The following KCNN2 variants were observed in gnomAD, a reference collection of about 807,000 sequenced individuals.
KCNN2 encodes the protein small conductance calcium-activated potassium channel protein 2.
KCNN2 carries 24 observed loss-of-function variants against 55.5 expected under a neutral mutation model. The ratio of observed to expected loss-of-function variants is 0.43; its 90% CI spans 0.31 to 0.61. KCNN2 has a LOEUF of 0.61. Ranked by LOEUF, KCNN2 falls within the 20% of genes least tolerant of loss-of-function variation. KCNN2 has a pLI of 0.08. For missense variants in KCNN2, 754 were observed against 853.6 expected, an observed-to-expected ratio of 0.88 and a Z score of 1.45; for synonymous variants, 431 against 336.1, an observed-to-expected ratio of 1.28 and a Z score of -3.09.
At chr5:114,361,371 G>T (rs1757417231), upstream of KCNN2, among the ~76,000 whole-genome samples, 1 of 152,202 alleles carries the variant, frequency 6.6e-6, no homozygotes, top group Non-Finnish European at 1.5e-5. Flanking sequence ...GGCTGGGAAA[G>T]ATCCGGTCTC....
chr5:114,392,388 A>G (rs1758473365), intron 2 of KCNN2, among the ~76,000 whole-genome samples: 1 of 152,138 alleles, frequency 6.6e-6, no homozygotes, highest in Non-Finnish European at 1.5e-5. Context: ...CTTTTCTCCT[A>G]GAGAGGAGTT....
intron 1 of KCNN2, among the ~76,000 whole-genome samples, chr5:114,074,364 T>G (rs1750643736): frequency 6.6e-6 from 1 of 151,188 alleles, no homozygotes; most frequent in South Asian, 2.1e-4. Context: ...GGGAAGATCT[T>G]TAAGGTAGCT....
chr5:114,129,778 A>C (rs992642581), intron 1 of KCNN2, among the ~76,000 whole-genome samples: 1 of 152,224 alleles, frequency 6.6e-6, no homozygotes, highest in Non-Finnish European at 1.5e-5. Flanking sequence ...GGAGACCTGC[A>C]TCATAGACTG....
At chr5:114,402,399 C>T (rs935421377) in intron 2 of KCNN2, among the ~76,000 whole-genome samples, 52 of 152,010 alleles carry the variant, frequency 3.4e-4, no homozygotes, top group Non-Finnish European at 4.0e-4. Flanking sequence ...TGGAGCCAGC[C>T]CTGGTTCTCT....
chr5:114,446,823 A>G (rs1760428331), intron 3 of KCNN2, among the ~76,000 whole-genome samples: 1 of 152,168 alleles, frequency 6.6e-6, no homozygotes, highest in African/African-American at 2.4e-5. Context: ...AATTGCTTGA[A>G]TCAGGGAGGT....
intron 1 of KCNN2, among the ~76,000 whole-genome samples, chr5:114,110,864 G>C (rs772075234): frequency 1.3e-5 from 2 of 152,034 alleles, no homozygotes; most frequent in African/African-American, 2.4e-5. Context: ...TGGTTGAGAA[G>C]CTACTGTTGC....
At chr5:114,450,570 T>C (rs750253424) in intron 3 of KCNN2, among the ~76,000 whole-genome samples, 7 of 152,236 alleles carry the variant, frequency 4.6e-5, no homozygotes, top group Admixed American at 1.3e-4. Context: ...AATATAATTC[T>C]CTTCAGGCGT....
intron 1 of KCNN2, among the ~76,000 whole-genome samples, chr5:114,098,078 A>G (rs545383410): frequency 1.3e-4 from 20 of 152,174 alleles, no homozygotes; most frequent in African/African-American, 4.6e-4. Flanking sequence ...TCTAGTTTCT[A>G]GAGGCTGTGC....
intron 1 of KCNN2, among the ~76,000 whole-genome samples, chr5:114,099,070 G>A (rs929850715): frequency 2.0e-5 from 3 of 152,080 alleles, no homozygotes; most frequent in African/African-American, 4.8e-5. Flanking sequence ...TTTCTCCAAA[G>A]GATTGACTTT....
At chr5:114,290,213 C>T (rs1755854907) in intron 2 of KCNN2, among the ~76,000 whole-genome samples, 1 of 152,078 alleles carries the variant, frequency 6.6e-6, no homozygotes, top group South Asian at 2.1e-4. Context: ...TGGTGGAATT[C>T]ACGTGAAATC....
upstream of KCNN2, among the ~76,000 whole-genome samples, chr5:114,360,185 C>G (rs993641606): frequency 6.6e-6 from 1 of 152,100 alleles, no homozygotes; most frequent in African/African-American, 2.4e-5. Flanking sequence ...GCTGTGCACC[C>G]CCCACCCCTT....
intron 2 of KCNN2, among the ~76,000 whole-genome samples, chr5:114,339,865 G>T (rs1756986006): frequency 6.6e-6 from 1 of 151,822 alleles, no homozygotes; most frequent in Non-Finnish European, 1.5e-5. Context: ...ATGATATATG[G>T]CAATATTGGG....
chr5:114,270,065 C>T (rs1422591935), intron 2 of KCNN2, among the ~76,000 whole-genome samples: 1 of 152,200 alleles, frequency 6.6e-6, no homozygotes, highest in East Asian at 1.9e-4. Context: ...AGAGTTTCTG[C>T]TGTTTTGACA....
chr5:114,363,151 G>T lies in KCNN2; in HGVS notation c.1012G>T (p.Ala338Ser). Residue 338 changes from alanine to serine, a missense_variant, in exon 1 of 8, where the codon GCC becomes TCC. By Grantham distance (99) the Ala-to-Ser change is moderately conservative (BLOSUM62 1). Coordinates refer to ENST00000673685, the MANE Select transcript of KCNN2 (RefSeq NM_021614.4). The part of the protein sequence containing the change: ...NIGYKLGHRR[A>S]LFEKRKRLSD... ...CGGCTACAAGCTGGGCCACCGGCGC[G>T]CCCTGTTCGAAAAGCGCAAGCGGCT... The T allele has an allele frequency of 1.2e-6, 2 of 1,613,510 alleles. No individual in the cohort carries two copies. Among genetic ancestry groups the T allele is most frequent in the Non-Finnish European group, 1.7e-6 (2 of 1,180,018 alleles).
chr5:114,093,475 T>A (rs543385196), intron 1 of KCNN2, among the ~76,000 whole-genome samples: 2 of 152,292 alleles, frequency 1.3e-5, no homozygotes, highest in East Asian at 3.9e-4. Context: ...TTTGGGTATG[T>A]TTTTAACAGT....
At chr5:114,098,686 T>A (rs2632113) in intron 1 of KCNN2, among the ~76,000 whole-genome samples, 17,015 of 152,160 alleles carry the variant, frequency 0.11, 1,187 homozygotes, top group Non-Finnish European at 0.15. Context: ...ACCGCTGGTC[T>A]ACCACACTTC....
chr5:114,404,639 A>G lies in KCNN2; in HGVS notation c.1420A>G (p.Met474Val), dbSNP rs1758879513. 1.9e-6 allele frequency: 3 copies of G among 1,613,720 alleles called. No homozygotes were observed. Among genetic ancestry groups the G allele is most frequent in the Non-Finnish European group, 2.5e-6 (3 of 1,179,856 alleles). ...ADVDIILSIP[M>V]FLRLYLIARV... ...TGTGGATATTATTTTATCTATACCA[A>G]TGTTCTTAAGACTCTATCTGATTGC... Residue 474 changes from methionine (M) to valine (V), a missense_variant, in exon 3 of 8, where the codon ATG becomes GTG. Physicochemically the swap from Met to Val is conservative, Grantham distance 21 (BLOSUM62 1). Transcript: ENST00000673685.
intron 2 of KCNN2, among the ~76,000 whole-genome samples, chr5:114,297,494 C>T (rs1263412764): frequency 6.6e-6 from 1 of 152,080 alleles, no homozygotes; most frequent in Non-Finnish European, 1.5e-5. Context: ...GGCATCTCTC[C>T]TACTTTACAT....
At chr5:114,266,511 A>G (rs1024640818) in intron 2 of KCNN2, among the ~76,000 whole-genome samples, 1 of 152,188 alleles carries the variant, frequency 6.6e-6, no homozygotes, top group Non-Finnish European at 1.5e-5. Flanking sequence ...AGAGATTGCC[A>G]GGACTGCATT....
Sources: allele counts gnomAD v4.1 joint callset (sites outside exome capture counted in the v4.1 genomes callset), GRCh38; gene constraint gnomAD v4.1.1; transcripts MANE v1.5; gene names NCBI Gene and HGNC (gene_info 2026-07-23, HGNC 2026-07-21).